Variants in CNTLN observed in about 807,000 individuals in gnomAD.
CNTLN encodes centlein, centrosomal protein.
CNTLN carries 212 observed loss-of-function variants against 180.0 expected under a neutral mutation model. The ratio of observed to expected loss-of-function variants is 1.18; its 90% CI spans 1.05 to 1.32. The LOEUF (loss-of-function observed/expected upper bound fraction) is 1.32. Among genes scored for constraint, CNTLN ranks in the 40% most tolerant of loss-of-function variants. The pLI is 0.00. For missense variants in CNTLN, 2,095 were observed against 1,610.9 expected, an observed-to-expected ratio of 1.30 and a Z score of -5.14; for synonymous variants, 722 against 563.1, an observed-to-expected ratio of 1.28 and a Z score of -3.99.
chr9:17,274,074 G>T (rs1449120643), intron 6 of CNTLN, among the ~76,000 whole-genome samples: 1 of 152,052 alleles, frequency 6.6e-6, no homozygotes, highest in Non-Finnish European at 1.5e-5. Flanking sequence ...GGACGAGCAT[G>T]GTCAAGGGGT....
intron 2 of CNTLN, among the ~76,000 whole-genome samples, chr9:17,187,939 T>G (rs947029068): frequency 6.6e-6 from 1 of 150,852 alleles, no homozygotes; most frequent in Non-Finnish European, 1.5e-5. Context: ...TGTGAAAATG[T>G]ATAAGGAATA....
rs746739755 is a variant in CNTLN, at chr9:17,236,461, A to C, written c.722A>C (p.Lys241Thr). The change falls in exon 5 of 26, where the codon AAA (lysine) becomes ACA (threonine). Residue 241 changes from lysine (K) to threonine (T), a missense_variant. Lys to Thr is a moderately conservative substitution (Grantham distance 78). Transcript: ENST00000380647. ...GAAGAGCAAAACAGACTAGTTATAA[A>C]AAATCTGGAGGAGGAAAACAAGAAA... ...NKEEQNRLVI[K>T]NLEEENKKLS... is the part of the protein sequence containing the mutation. 3 of 1,613,772 alleles carry C rather than the reference A, an allele frequency of 1.9e-6. No individual in the cohort carries two copies. The Admixed American group carries it at 5.0e-5, about 27-fold the overall frequency.
chr9:17,469,017 T>C (rs1398225063), intron 23 of CNTLN, among the ~76,000 whole-genome samples: 1 of 151,704 alleles, frequency 6.6e-6, no homozygotes, highest in Non-Finnish European at 1.5e-5. Flanking sequence ...CGGTACTCTT[T>C]CAGAATTTTT....
At chr9:17,236,045 G>T (rs945666686) in intron 4 of CNTLN, among the ~76,000 whole-genome samples, 1 of 152,142 alleles carries the variant, frequency 6.6e-6, no homozygotes, top group African/African-American at 2.4e-5. Context: ...TGAATATGTG[G>T]CTTCTTGTAA....
Position 17,428,619 on chromosome 9 carries a change from A to G in CNTLN, c.3114+12430A>G, listed in dbSNP as rs1000190324. Among the ~76,000 whole-genome samples, 4 of 152,086 alleles carry G rather than the reference A, an allele frequency of 2.6e-5. No homozygotes were observed. The South Asian group carries it at 6.2e-4, about 24-fold the overall frequency. On this transcript the variant is annotated intron_variant, in intron 18 of 25. Transcript: ENST00000380647. ...TATTTTTCTTATTTGATCTTTATAAACTGTGACATAATTATTCTCATTGAA... is the reference window on the plus strand; with the variant it reads ...TATTTTTCTTATTTGATCTTTATAAGCTGTGACATAATTATTCTCATTGAA...
At chr9:17,329,741 ATAGTACT>A (rs1244009538) in intron 8 of CNTLN, among the ~76,000 whole-genome samples, 1 of 151,630 alleles carries the variant, frequency 6.6e-6, no homozygotes, top group Non-Finnish European at 1.5e-5. Flanking sequence ...TATTTTTCTC[ATAGTACT>A]TAGGAATATC....
chr9:17,292,662 G>A (rs1228289458), intron 6 of CNTLN, among the ~76,000 whole-genome samples: 1 of 152,206 alleles, frequency 6.6e-6, no homozygotes, highest in African/African-American at 2.4e-5. Context: ...GGTTATTTAT[G>A]TTCCTTTCAA....
At chr9:17,483,659 G>T (rs1832758708) in intron 23 of CNTLN, among the ~76,000 whole-genome samples, 1 of 152,166 alleles carries the variant, frequency 6.6e-6, no homozygotes, top group Non-Finnish European at 1.5e-5. Flanking sequence ...GTATGGGCTA[G>T]CTTTTACTGA....
intron 3 of CNTLN, among the ~76,000 whole-genome samples, chr9:17,235,230 A>C (rs1307660224): frequency 2.0e-5 from 3 of 152,214 alleles, no homozygotes; most frequent in Non-Finnish European, 2.9e-5. Context: ...TTGCCATTTT[A>C]AAAATTTTAA....
chr9:17,175,467 G>A (rs1480193151), intron 2 of CNTLN, among the ~76,000 whole-genome samples: 1 of 152,054 alleles, frequency 6.6e-6, no homozygotes, highest in African/African-American at 2.4e-5. Context: ...TTGCATGGTT[G>A]TATTTCTTGG....
intron 5 of CNTLN, among the ~76,000 whole-genome samples, chr9:17,269,393 TAAC>T (rs1318867609): frequency 6.6e-6 from 1 of 152,168 alleles, no homozygotes; most frequent in Non-Finnish European, 1.5e-5. Context: ...ACTACATACT[TAAC>T]AGCTATAAAC....
the CNTLN span, among the ~76,000 whole-genome samples, chr9:17,512,758 GA>G: frequency 6.6e-6 from 1 of 152,222 alleles, no homozygotes. Flanking sequence ...TACGTCTGGA[GA>G]GAGGACTGGG....
intron 6 of CNTLN, among the ~76,000 whole-genome samples, chr9:17,285,476 T>C (rs1015541103): frequency 6.9e-6 from 1 of 145,342 alleles, no homozygotes; most frequent in African/African-American, 2.7e-5. Flanking sequence ...CGTGTGCATG[T>C]GTCTTTATAG....
At chr9:17,395,988 A>G (rs1826488491) in intron 15 of CNTLN, among the ~76,000 whole-genome samples, 1 of 152,194 alleles carries the variant, frequency 6.6e-6, no homozygotes, top group Non-Finnish European at 1.5e-5. Context: ...GTTACGGTAG[A>G]GGAGCCAGCC....
chr9:17,340,219 A>G (rs1258515756), intron 10 of CNTLN, among the ~76,000 whole-genome samples: 2 of 152,164 alleles, frequency 1.3e-5, no homozygotes, highest in Non-Finnish European at 2.9e-5. Context: ...CAACAAAGCA[A>G]TGTTTGGATG....
rs116009915 is a variant in CNTLN at position 17,482,082 on chromosome 9, G to T, written c.3856-2213G>T. On this transcript the variant is annotated intron_variant, in intron 23 of 25. Transcript: ENST00000380647. ...CATAATCAAAGGAAAATAATAAAGCGCAAATAATTAACCCTAAGTAAATGA... is the reference window on the plus strand; with the variant it reads ...CATAATCAAAGGAAAATAATAAAGCTCAAATAATTAACCCTAAGTAAATGA... Among the ~76,000 whole-genome samples, 7 of 152,096 alleles carry T rather than the reference G, an allele frequency of 4.6e-5. No individual in the cohort carries two copies. In the South Asian group the frequency reaches 1.0e-3, roughly 23 times the overall value.
At chr9:17,299,234 A>G (rs1818171527) in intron 7 of CNTLN, 1 of 123,882 alleles carries the variant, frequency 8.1e-6, no homozygotes, top group African/African-American at 4.0e-5. Flanking sequence ...AGGGGGAGAC[A>G]ACGTCTCAAA....
chr9:17,509,645 T>C, the CNTLN span, among the ~76,000 whole-genome samples: 3 of 152,178 alleles, frequency 2.0e-5, no homozygotes, highest in African/African-American at 4.8e-5. Flanking sequence ...CCCAGAAGGC[T>C]GTATACACTT....
At chr9:17,338,832 C>G (rs537799664) in intron 10 of CNTLN, among the ~76,000 whole-genome samples, 1 of 152,220 alleles carries the variant, frequency 6.6e-6, no homozygotes, top group Non-Finnish European at 1.5e-5. Flanking sequence ...ATTTAAGTAA[C>G]TAGATCAAAG....
Sources: allele counts gnomAD v4.1 joint callset (sites outside exome capture counted in the v4.1 genomes callset), GRCh38; gene constraint gnomAD v4.1.1; transcripts MANE v1.5; gene names NCBI Gene and HGNC (gene_info 2026-07-23, HGNC 2026-07-21).